The following FARS2 variants were observed in gnomAD, a reference collection of about 807,000 sequenced individuals.
FARS2 encodes the protein phenylalanyl-tRNA synthetase 2, mitochondrial, also known as phenylalanine--tRNA ligase, mitochondrial.
In FARS2, 40 loss-of-function variants were observed where a neutral mutation model predicts 46.4. The ratio of observed to expected loss-of-function variants is 0.86; its 90% CI spans 0.67 to 1.12. FARS2 has a LOEUF of 1.12. Among genes scored for constraint, FARS2 ranks in the 50% most tolerant of loss-of-function variants. FARS2 has a pLI of 0.00. For synonymous variants in FARS2, 234 were observed against 214.9 expected, an observed-to-expected ratio of 1.09 and a Z score of -0.78; for missense variants, 513 against 567.9, an observed-to-expected ratio of 0.90 and a Z score of 0.98.
At chr6:5,563,305 G>A (rs890153102) in intron 5 of FARS2, among the ~76,000 whole-genome samples, 1 of 152,156 alleles carries the variant, frequency 6.6e-6, no homozygotes, top group Non-Finnish European at 1.5e-5. Flanking sequence ...ATACACGTGG[G>A]AATATGTGGG....
At chr6:5,342,987 A>G (rs1045261076) in intron 1 of FARS2, among the ~76,000 whole-genome samples, 2 of 152,168 alleles carry the variant, frequency 1.3e-5, no homozygotes, top group African/African-American at 4.8e-5. Flanking sequence ...AGCTTACTAC[A>G]GGCCCGTCAT....
At chr6:5,448,471 G>GTT (rs35279187) in intron 4 of FARS2, among the ~76,000 whole-genome samples, 1,630 of 145,418 alleles carry the variant, frequency 0.011, 26 homozygotes, top group East Asian at 0.057. Flanking sequence ...CATTTTTTCT[G>GTT]TTTTTTTTTT....
chr6:5,617,553 C>G (rs1426529914), intron 6 of FARS2, among the ~76,000 whole-genome samples: 1 of 152,246 alleles, frequency 6.6e-6, no homozygotes, highest in Admixed American at 6.5e-5. Flanking sequence ...ATTTTCCACT[C>G]AGCTAGAAGT....
intron 6 of FARS2, among the ~76,000 whole-genome samples, chr6:5,701,338 C>A (rs1322295045): frequency 6.6e-6 from 1 of 152,240 alleles, no homozygotes; most frequent in Admixed American, 6.5e-5. Flanking sequence ...ATCACCTCTC[C>A]CTCTGGGCTG....
At chr6:5,451,425 C>T (rs1350722422) in intron 4 of FARS2, among the ~76,000 whole-genome samples, 1 of 152,094 alleles carries the variant, frequency 6.6e-6, no homozygotes, top group Non-Finnish European at 1.5e-5. Flanking sequence ...GTATTTAATT[C>T]TCAAGTATGT....
At chr6:5,521,457 G>T (rs377370807) in intron 4 of FARS2, among the ~76,000 whole-genome samples, 1 of 151,962 alleles carries the variant, frequency 6.6e-6, no homozygotes, top group Non-Finnish European at 1.5e-5. Context: ...TTTATTTCCT[G>T]TTGTGTCCCC....
intron 5 of FARS2, among the ~76,000 whole-genome samples, chr6:5,548,231 A>C (rs1360854566): frequency 6.6e-6 from 1 of 152,196 alleles, no homozygotes; most frequent in Admixed American, 6.5e-5. Flanking sequence ...TGGGAGATAC[A>C]ATTGAAGTTG....
At chr6:5,401,249 A>G (rs117559827) in intron 2 of FARS2, among the ~76,000 whole-genome samples, 3 of 152,162 alleles carry the variant, frequency 2.0e-5, no homozygotes, top group East Asian at 1.9e-4. Context: ...TCTCTACAAT[A>G]TATGTTTTAT....
intron 1 of FARS2, among the ~76,000 whole-genome samples, chr6:5,329,654 A>G (rs1377369295): frequency 6.6e-6 from 1 of 152,134 alleles, no homozygotes; most frequent in African/African-American, 2.4e-5. Context: ...CCAGCTATAA[A>G]TTGGGGGTCC....
chr6:5,719,208 T>G (rs1327235104), intron 6 of FARS2, among the ~76,000 whole-genome samples: 2 of 151,632 alleles, frequency 1.3e-5, no homozygotes, highest in East Asian at 3.9e-4. Context: ...CAAGGTGAGA[T>G]CCCCTCTCTA....
chr6:5,432,960 A>G (rs1281802789), intron 4 of FARS2, among the ~76,000 whole-genome samples: 2 of 151,878 alleles, frequency 1.3e-5, no homozygotes, highest in Non-Finnish European at 2.9e-5. Context: ...AGGGGCCTGG[A>G]CTCCACAAGC....
intron 4 of FARS2, among the ~76,000 whole-genome samples, chr6:5,498,785 A>G (rs1202588446): frequency 6.6e-6 from 1 of 152,210 alleles, no homozygotes; most frequent in East Asian, 1.9e-4. Flanking sequence ...GAAGGTTAAG[A>G]TATCTGAGTT....
intron 4 of FARS2, among the ~76,000 whole-genome samples, chr6:5,542,768 A>G (rs1387046010): frequency 1.3e-5 from 2 of 152,178 alleles, no homozygotes; most frequent in Admixed American, 6.5e-5. Flanking sequence ...TCTAGTTTCA[A>G]TGTGTCATAT....
chr6:5,634,670 G>T (rs1776457608), intron 6 of FARS2, among the ~76,000 whole-genome samples: 2 of 152,312 alleles, frequency 1.3e-5, no homozygotes, highest in Middle Eastern at 6.8e-3. Flanking sequence ...TTCATTTGTG[G>T]TTTGTTTTGC....
rs181988875 is a variant in FARS2 at position 5,606,219 on chromosome 6, C to T, written c.1066-6950C>T. Among the ~76,000 whole-genome samples, 1,094 of 152,048 alleles carry T rather than the reference C, an allele frequency of 7.2e-3. 8 individuals carry two copies. Among genetic ancestry groups the T allele is most frequent in the Non-Finnish European group, 0.01 (685 of 68,000 alleles). Reference sequence around the variant, plus strand: ...TGAGCAGAATAAATAAAGATAAATGCAGACCCAGCCTCATCAGAGTCAAAT... The same window carrying T: ...TGAGCAGAATAAATAAAGATAAATGTAGACCCAGCCTCATCAGAGTCAAAT... On this transcript the variant is annotated intron_variant, in intron 5 of 6. Transcript: ENST00000274680.
At chr6:5,607,237 A>G (rs1187796050) in intron 5 of FARS2, among the ~76,000 whole-genome samples, 1 of 151,818 alleles carries the variant, frequency 6.6e-6, no homozygotes, top group Non-Finnish European at 1.5e-5. Context: ...CTGAATAGAG[A>G]CACTAAATAA....
intron 1 of FARS2, among the ~76,000 whole-genome samples, chr6:5,271,711 C>T (rs12212957): frequency 0.018 from 2,659 of 151,876 alleles, 44 homozygotes; most frequent in Non-Finnish European, 0.03. Context: ...TACAGTCGCC[C>T]GCCACCACGC....
At chr6:5,748,419 A>G (rs1761759135) in intron 6 of FARS2, among the ~76,000 whole-genome samples, 1 of 152,230 alleles carries the variant, frequency 6.6e-6, no homozygotes, top group African/African-American at 2.4e-5. Context: ...TGGGACTCTC[A>G]AGCCTCAAAG....
intron 6 of FARS2, among the ~76,000 whole-genome samples, chr6:5,649,392 C>G (rs1157173957): frequency 6.6e-6 from 1 of 152,112 alleles, no homozygotes; most frequent in African/African-American, 2.4e-5. Flanking sequence ...GTTTCTGTCC[C>G]CAGTACACAT....
Sources: gnomAD v4.1 joint callset for allele counts (sites outside exome capture counted in the v4.1 genomes callset) on GRCh38, gnomAD v4.1.1 for gene constraint, MANE v1.5 for transcripts, NCBI Gene and HGNC (gene_info 2026-07-23, HGNC 2026-07-21) for gene names.